The following PTDSS1 variants were observed in gnomAD, a reference collection of about 807,000 sequenced individuals.
PTDSS1 encodes the protein phosphatidylserine synthase 1.
A neutral mutation model predicts 70.5 loss-of-function variants in PTDSS1; 45 were observed. That is an observed-to-expected ratio of 0.64 (90% confidence interval 0.50 to 0.82). The LOEUF (loss-of-function observed/expected upper bound fraction) is 0.82. Ranked by LOEUF, PTDSS1 falls within the 40% of genes least tolerant of loss-of-function variation. The pLI is 0.00. For missense variants in PTDSS1, 417 were observed against 586.1 expected (o/e 0.71, Z 2.98); for synonymous variants, 188 against 203.8 (o/e 0.92, Z 0.66).
chr8:96,304,009 G>T (rs1811089646), intron 6 of PTDSS1, 31 bp from the exon 7 acceptor site: 1 of 1,579,362 alleles, frequency 6.3e-7, no homozygotes, highest in Non-Finnish European at 8.6e-7. Context: ...CTTATCTCTG[G>T]ATTTTCACTG....
chr8:96,288,830 TGTTGGCCAGGCTG>T (rs368614511), intron 4 of PTDSS1, among the ~76,000 whole-genome samples: 36 of 149,004 alleles, frequency 2.4e-4, no homozygotes, highest in African/African-American at 4.7e-4. Flanking sequence ...GGTTTTAACG[TGTTGGCCAGGCTG>T]GTCTCAAACT....
chr8:96,298,217 G>A (rs1811002915), intron 5 of PTDSS1, among the ~76,000 whole-genome samples: 2 of 152,154 alleles, frequency 1.3e-5, no homozygotes, highest in African/African-American at 4.8e-5. Context: ...ATCACATGCA[G>A]CAGCTACTCT....
intron 5 of PTDSS1, among the ~76,000 whole-genome samples, chr8:96,296,463 CAA>C (rs1810978048): frequency 6.6e-6 from 1 of 152,098 alleles, no homozygotes; most frequent in Non-Finnish European, 1.5e-5. Flanking sequence ...CATAAGGACA[CAA>C]GAGCATTCCC....
In PTDSS1 at chr8:96,261,963, C is replaced by A; in HGVS notation, c.-78C>A. 3 of 1,457,934 alleles carry A rather than the reference C, an allele frequency of 2.1e-6. No homozygotes were observed. The highest frequency in any genetic ancestry group is 2.8e-6 in the Non-Finnish European group (3 of 1,075,508). The allele number at this position is 1,457,934 out of a possible 1,614,324, so 90.3% of individuals were successfully genotyped here. On this transcript the variant is annotated 5_prime_UTR_variant, in exon 1 of 13. In the 5' UTR this introduces an upstream ATG that the reference lacks. Transcript: ENST00000517309. ...GCTTTGCCGTCCGGCTATTAGCCTACTGTGGCTAGTCACCCCCGGGGTCCC... is the reference window on the plus strand; with the variant it reads ...GCTTTGCCGTCCGGCTATTAGCCTAATGTGGCTAGTCACCCCCGGGGTCCC...
intron 8 of PTDSS1, among the ~76,000 whole-genome samples, chr8:96,308,151 C>T (rs1454033423): frequency 2.6e-5 from 4 of 152,212 alleles, no homozygotes; most frequent in Non-Finnish European, 5.9e-5. Context: ...ACATCTCCAG[C>T]TTCTTCCTTT....
At chr8:96,307,733 T>A (rs2130118980) in intron 8 of PTDSS1, among the ~76,000 whole-genome samples, 1 of 152,288 alleles carries the variant, frequency 6.6e-6, no homozygotes, top group South Asian at 2.1e-4. Context: ...CAGGAAAGAT[T>A]TACCGCAGCT....
At chr8:96,306,975 T>C (rs963306728) in intron 8 of PTDSS1, among the ~76,000 whole-genome samples, 1 of 152,198 alleles carries the variant, frequency 6.6e-6, no homozygotes, top group African/African-American at 2.4e-5. Flanking sequence ...CTTTTAGCTT[T>C]TTCAGACCCA....
chr8:96,309,818 T>A (rs1019180670), intron 9 of PTDSS1, among the ~76,000 whole-genome samples, 196 bp downstream of exon 9: 1 of 152,184 alleles, frequency 6.6e-6, no homozygotes, highest in Non-Finnish European at 1.5e-5. Context: ...TTTTCTGATT[T>A]AAGTTAAGAA....
intron 1 of PTDSS1, among the ~76,000 whole-genome samples, chr8:96,268,730 A>G (rs965107178): frequency 2.0e-5 from 3 of 151,784 alleles, no homozygotes; most frequent in Admixed American, 6.6e-5. Flanking sequence ...AGCTGAAACA[A>G]TGCTCTGCAG....
At chr8:96,272,193 ACT>A (rs1219554108) in intron 1 of PTDSS1, among the ~76,000 whole-genome samples, 2 of 151,776 alleles carry the variant, frequency 1.3e-5, no homozygotes, top group Admixed American at 1.3e-4. Flanking sequence ...CGATTTTGTT[ACT>A]GATTTCTTTG....
rs575078567 is a variant in PTDSS1 at position 96,335,652 on chromosome 8, C to T, written c.*2086C>T. 12 of 152,230 alleles carry T rather than the reference C, an allele frequency of 7.9e-5. No homozygotes were observed. The highest frequency in any genetic ancestry group is 7.9e-4 in the Admixed American group (12 of 15,280). The allele number at this position is 152,230 out of a possible 1,614,324, so 9.4% of individuals were successfully genotyped here. A position where few individuals can be genotyped will look rare whatever the true frequency, so the allele number is the denominator to read the frequency against. The stretch of plus-strand genomic sequence containing the variant: ...AGCCAGGAAAGTTCTCAGATACTTT[C>T]CATGCCCTTTCTTTGAGTTGAAACT... On this transcript the variant is annotated 3_prime_UTR_variant, in exon 13 of 13. Coordinates refer to ENST00000517309, the MANE Select transcript of PTDSS1 (RefSeq NM_014754.3).
Position 96,333,647 on chromosome 8 carries a change from A to G in PTDSS1, c.*81A>G, listed in dbSNP as rs765522598. 4 of 1,358,938 alleles carry G rather than the reference A, an allele frequency of 2.9e-6. No individual in the cohort carries two copies. Among genetic ancestry groups the G allele is most frequent in the Non-Finnish European group, 3.2e-6 (3 of 949,744 alleles). 84.2% of individuals were successfully genotyped at this position (1,358,938 alleles called of 1,614,324 possible). ...AACTCATTTGGAACTCCCCGTGAGGAGGTCGAGGCGCACAGGGCAAGCAGG... is the reference window on the plus strand; with the variant it reads ...AACTCATTTGGAACTCCCCGTGAGGGGGTCGAGGCGCACAGGGCAAGCAGG... On this transcript the variant is annotated 3_prime_UTR_variant, in exon 13 of 13. Transcript: ENST00000517309.
intron 5 of PTDSS1, among the ~76,000 whole-genome samples, chr8:96,295,697 A>G (rs1259877006): frequency 6.6e-6 from 1 of 152,220 alleles, no homozygotes; most frequent in Non-Finnish European, 1.5e-5. Flanking sequence ...TGTTAGCTCT[A>G]ATATGTCAGT....
chr8:96,320,270 TG>T lies in PTDSS1; in HGVS notation c.1099del (p.Val367PhefsTer3). 6.2e-7 allele frequency: 1 copy of T among 1,612,000 alleles called. No homozygotes were observed. The highest frequency in any genetic ancestry group is 8.5e-7 in the Non-Finnish European group (1 of 1,178,010). On this transcript the variant is annotated frameshift_variant, in exon 10 of 13. Coordinates refer to ENST00000517309, the MANE Select transcript of PTDSS1 (RefSeq NM_014754.3). LOFTEE classifies it high-confidence loss of function. The stretch of plus-strand genomic sequence containing the variant: ...GGGTCATTGGTTTCCTGGAGGCCAT[TG>T]TTTGCATAAAATTTGGACAAGATCT... ...FGVIGFLEAI[V>X]CIKFGQDLFS...
At chr8:96,330,501 C>A (rs191471714) in intron 11 of PTDSS1, 2 of 529,980 alleles carry the variant, frequency 3.8e-6, no homozygotes, top group Middle Eastern at 5.1e-4. Flanking sequence ...TTTTGTCTAA[C>A]TTTTGTTAGA....
intron 12 of PTDSS1, among the ~76,000 whole-genome samples, chr8:96,332,377 T>C (rs925048105): frequency 6.6e-6 from 1 of 152,172 alleles, no homozygotes; most frequent in Non-Finnish European, 1.5e-5. Flanking sequence ...GGTGGGCCAA[T>C]GGAGAAGAAA....
intron 10 of PTDSS1, among the ~76,000 whole-genome samples, chr8:96,321,843 G>A (rs191824068): frequency 6.0e-4 from 92 of 152,274 alleles, no homozygotes; most frequent in Middle Eastern, 3.4e-3. Context: ...AGGGAATAAT[G>A]ATCTCCTTTG....
chr8:96,275,815 C>T (rs1300999053), intron 2 of PTDSS1, among the ~76,000 whole-genome samples: 1 of 152,176 alleles, frequency 6.6e-6, no homozygotes. Flanking sequence ...GCCATTCTAC[C>T]TTCTGTATCC....
chr8:96,279,181 A>C (rs1810696491), intron 2 of PTDSS1, among the ~76,000 whole-genome samples: 1 of 149,414 alleles, frequency 6.7e-6, no homozygotes, highest in African/African-American at 2.5e-5. Flanking sequence ...GGATTTCACT[A>C]TGCTGGCCAG....
Sources: allele counts gnomAD v4.1 joint callset (sites outside exome capture counted in the v4.1 genomes callset), GRCh38; gene constraint gnomAD v4.1.1; transcripts MANE v1.5; gene names NCBI Gene and HGNC (gene_info 2026-07-23, HGNC 2026-07-21).